The following ERP29 variants were observed in gnomAD, a reference collection of about 807,000 sequenced individuals.
ERP29 encodes the protein endoplasmic reticulum protein 29, also known as endoplasmic reticulum resident protein 29.
ERP29 carries 14 observed loss-of-function variants against 21.7 expected under a neutral mutation model. The observed-to-expected ratio is 0.64, with a 90% CI of 0.43 to 1.01. The LOEUF is 1.01. Ranked by LOEUF, ERP29 falls within the 50% of genes least tolerant of loss-of-function variation. ERP29 has a pLI of 0.00. For synonymous variants in ERP29, 129 were observed against 139.1 expected, an observed-to-expected ratio of 0.93 and a Z score of 0.51; for missense variants, 286 against 327.3, an observed-to-expected ratio of 0.87 and a Z score of 0.97.
chr12:112,018,252 T>C (rs1471912522), intron 1 of ERP29, among the ~76,000 whole-genome samples: 1 of 152,010 alleles, frequency 6.6e-6, no homozygotes, highest in Non-Finnish European at 1.5e-5. Context: ...CACAAGTGAT[T>C]TTCCACCTCA....
chr12:112,022,980 G>T lies in ERP29; in HGVS notation c.*328G>T. 1 of 232,366 alleles carries T rather than the reference G, an allele frequency of 4.3e-6. No homozygotes were observed. The highest frequency in any genetic ancestry group is 1.2e-4 in the South Asian group (1 of 8,112). The allele number at this position is 232,366 out of a possible 1,614,324, so 14.4% of individuals were successfully genotyped here. ...CATTCAATTAAAGTTTCAGTGTTTT[G>T]GTTAAGTGGACCTGAAGCCATTCTT... On this transcript the variant is annotated 3_prime_UTR_variant, in exon 3 of 3. Transcript: ENST00000261735.
intron 2 of ERP29, 100 bp downstream of exon 2, chr12:112,019,994 C>A (rs2078036258): frequency 2.1e-6 from 3 of 1,436,104 alleles, no homozygotes; most frequent in Admixed American, 3.6e-5. Context: ...TCCTTCTGAG[C>A]CACTCTCAAG....
At chr12:112,019,575 G>C (rs2078032378) in intron 1 of ERP29, 181 bp from the exon 2 acceptor site, 4 of 696,002 alleles carry the variant, frequency 5.7e-6, no homozygotes, top group Non-Finnish European at 1.0e-5. Context: ...CCTGCATGTT[G>C]CTGGCACTCA....
rs752470142 is a variant in ERP29 at position 112,022,277 on chromosome 12, G to C, written c.411G>C (p.Lys137Asn). ...CAGTCCCATACACTGGGGCAGTTAA[G>C]GTTGGAGCCATCCAGCGCTGGCTGA... ...ENPVPYTGAV[K>N]VGAIQRWLKG... The change falls in exon 3 of 3, where the codon AAG becomes AAC. Residue 137 changes from lysine to asparagine, a missense_variant. Transcript: ENST00000261735. 1.9e-6 allele frequency: 3 copies of C among 1,613,032 alleles called. 1 individual carries two copies. The South Asian group carries it at 3.3e-5, about 18-fold the overall frequency.
rs200713981 is a variant in ERP29, at chr12:112,019,850, C to T, written c.239C>T (p.Ser80Leu). 252 of 1,613,914 alleles carry T rather than the reference C, an allele frequency of 1.6e-4. No homozygotes were observed. Among genetic ancestry groups the T allele is most frequent in the Admixed American group, 3.5e-4 (21 of 59,982 alleles). The change falls in exon 2 of 3, where the codon TCG (serine) becomes TTG (leucine). Residue 80 changes from serine (S) to leucine (L), a missense_variant. Coordinates refer to ENST00000261735, the MANE Select transcript of ERP29 (RefSeq NM_006817.4). ...GAGTTCAAGCGTCTTGCTGAAAACT[C>T]GGCTTCCAGCGATGATCTCTTGGTG... ...QDEFKRLAEN[S>L]ASSDDLLVAE...
rs1217672649 is a variant in ERP29 at position 112,021,680 on chromosome 12, T to C, written c.284-470T>C. 1.3e-5 allele frequency among the ~76,000 whole-genome samples: 2 copies of C among 151,866 alleles called. 1 individual carries two copies. Among genetic ancestry groups the C allele is most frequent in the Non-Finnish European group, 2.9e-5 (2 of 67,966 alleles). ...CTGGGACTACAGGCACGCGCCACCA[T>C]GCCCTGCTAATTTTTTTGTTATTTT... On this transcript the variant is annotated intron_variant, in intron 2 of 2. Transcript: ENST00000261735.
chr12:112,019,427 A>G, intron 1 of ERP29: 1 of 368,860 alleles, frequency 2.7e-6, no homozygotes, highest in South Asian at 2.3e-5. Flanking sequence ...ACAGGGGCTG[A>G]TGTAGTATGC....
intron 2 of ERP29, among the ~76,000 whole-genome samples, chr12:112,021,262 C>T (rs773834363): frequency 5.9e-5 from 9 of 152,156 alleles, no homozygotes; most frequent in Admixed American, 6.5e-5. Context: ...TTAGCCCTGC[C>T]TCAGAGCTTT....
chr12:112,019,627 A>T, intron 1 of ERP29, 129 bp from the exon 2 acceptor site: 1 of 1,026,610 alleles, frequency 9.7e-7, no homozygotes, highest in Non-Finnish European at 1.5e-6. Context: ...AATAAATATT[A>T]GTTTGTGAGA....
At chr12:112,016,815 C>T (rs79271898) in intron 1 of ERP29, among the ~76,000 whole-genome samples, 15,104 of 151,858 alleles carry the variant, frequency 0.099, 842 homozygotes, top group East Asian at 0.23. Flanking sequence ...GGCGTGAACA[C>T]GGGAGGCGGA....
intron 1 of ERP29, among the ~76,000 whole-genome samples, chr12:112,018,481 G>T (rs1245862043): frequency 6.6e-6 from 1 of 152,184 alleles, no homozygotes; most frequent in Non-Finnish European, 1.5e-5. Flanking sequence ...GAAAAAACTT[G>T]ATAGGGATCA....
At position 112,013,557 on chromosome 12, in the gene ERP29, G is replaced by A; in HGVS notation, c.92G>A (p.Ser31Asn). 1 of 1,612,444 alleles carries A rather than the reference G, an allele frequency of 6.2e-7. No homozygotes were observed. Among genetic ancestry groups the A allele is most frequent in the Non-Finnish European group, 8.5e-7 (1 of 1,179,342 alleles). ...CTCCTCTCCGCTCCGCATGGCGGCA[G>A]CGGCCTGCACACCAAGGGCGCCCTT... ...FLLLSAPHGG[S>N]GLHTKGALPL... The change falls in exon 1 of 3, where the codon AGC (serine) becomes AAC (asparagine). Residue 31 changes from serine (S) to asparagine (N), a missense_variant. Ser to Asn is a conservative substitution (Grantham distance 46). Coordinates refer to ENST00000261735, the MANE Select transcript of ERP29 (RefSeq NM_006817.4).
intron 2 of ERP29, 131 bp downstream of exon 2, chr12:112,020,025 A>G (rs762042798): frequency 8.8e-7 from 1 of 1,136,656 alleles, no homozygotes; most frequent in Non-Finnish European, 1.3e-6. Context: ...AAACAGGTTC[A>G]TGGTCTCTAA....
In ERP29 at chr12:112,022,419, C is replaced by A; in HGVS notation, c.553C>A (p.Gln185Lys). 1 of 1,614,122 alleles carries A rather than the reference C, an allele frequency of 6.2e-7. No individual in the cohort carries two copies. The highest frequency in any genetic ancestry group is 1.3e-5 in the African/African-American group (1 of 75,018). The change falls in exon 3 of 3, where the codon CAA (glutamine) becomes AAA (lysine). Residue 185 changes from glutamine (Q) to lysine (K), a missense_variant. Coordinates refer to ENST00000261735, the MANE Select transcript of ERP29 (RefSeq NM_006817.4). ...EARQALLKQG[Q>K]DNLSSVKETQ... ...CCGCCAGGCCCTCTTGAAGCAGGGG[C>A]AAGATAACCTCTCAAGTGTGAAGGA... is the stretch of plus-strand genomic sequence containing the variant.
chr12:112,014,184 A>G (rs1219556799), intron 1 of ERP29, among the ~76,000 whole-genome samples: 1 of 152,228 alleles, frequency 6.6e-6, no homozygotes, highest in African/African-American at 2.4e-5. Context: ...GGGGTCCCCA[A>G]CCACCAGGCC....
intron 1 of ERP29, among the ~76,000 whole-genome samples, chr12:112,016,007 A>G (rs1312057487): frequency 6.6e-6 from 1 of 152,108 alleles, no homozygotes; most frequent in Non-Finnish European, 1.5e-5. Flanking sequence ...TCTTCCCCCC[A>G]GTCTAAAGTG....
rs763793093 is a variant in ERP29 at position 112,019,680 on chromosome 12, CAG to C, written c.145-75_145-74del. 3 of 1,564,006 alleles carry C rather than the reference CAG, an allele frequency of 1.9e-6. No individual in the cohort carries two copies. The Admixed American group carries it at 5.0e-5, about 26-fold the overall frequency. On this transcript the variant is annotated intron_variant, in intron 1 of 2. Transcript: ENST00000261735. The stretch of plus-strand genomic sequence containing the variant: ...GCTTGTTTCCACTCTATTTCTTAAA[CAG>C]GGGCCCCTTGGGAAGGGGAATTAGC...
At chr12:112,019,651 G>A (rs1456330716) in intron 1 of ERP29, 105 bp from the exon 2 acceptor site, 2 of 1,318,432 alleles carry the variant, frequency 1.5e-6, no homozygotes, top group African/African-American at 2.9e-5. Context: ...TGCCTCCCTT[G>A]TGGGCTTGTT....
chr12:112,020,706 C>G (rs191392276), intron 2 of ERP29, among the ~76,000 whole-genome samples: 31 of 152,300 alleles, frequency 2.0e-4, no homozygotes, highest in Middle Eastern at 3.4e-3. Context: ...GACTCAACTT[C>G]AGGTAACTCC....
Sources: gnomAD v4.1 joint callset for allele counts (sites outside exome capture counted in the v4.1 genomes callset) on GRCh38, gnomAD v4.1.1 for gene constraint, MANE v1.5 for transcripts, NCBI Gene and HGNC (gene_info 2026-07-23, HGNC 2026-07-21) for gene names.